Variants in PAN3 observed in about 807,000 individuals in gnomAD.
The protein encoded by PAN3 is poly(A) specific ribonuclease subunit PAN3.
In PAN3, 19 loss-of-function variants were observed where a neutral mutation model predicts 96.2. That is an observed-to-expected ratio of 0.20 (90% CI 0.14 to 0.29). The LOEUF (loss-of-function observed/expected upper bound fraction) is 0.29. PAN3 is among the 10% of genes least tolerant of loss of function. The pLI is 1.00. For missense variants in PAN3, 882 were observed against 1,108.1 expected (o/e 0.80, Z 2.90); for synonymous variants, 433 against 406.6 (o/e 1.06, Z -0.78).
At chr13:28,267,445 T>TG (rs1243658579) in intron 12 of PAN3, 44 bp downstream of exon 12, 1 of 1,480,270 alleles carries the variant, frequency 6.8e-7, no homozygotes, top group East Asian at 2.3e-5. Context: ...CTAATGCTTT[T>TG]GCTCTGTGGA....
chr13:28,280,257 G>A (rs1269468302), intron 15 of PAN3, among the ~76,000 whole-genome samples, 155 bp from the exon 16 acceptor site: 2 of 152,160 alleles, frequency 1.3e-5, no homozygotes, highest in Non-Finnish European at 2.9e-5. Flanking sequence ...GGAATGAAAT[G>A]TAATATTTAA....
intron 16 of PAN3, among the ~76,000 whole-genome samples, 188 bp downstream of exon 16, chr13:28,280,729 T>G (rs1441675943): frequency 6.6e-6 from 1 of 151,904 alleles, no homozygotes; most frequent in African/African-American, 2.4e-5. Flanking sequence ...ACCCCGCTAT[T>G]TTTGTATTGT....
intron 6 of PAN3, among the ~76,000 whole-genome samples, chr13:28,247,365 A>G (rs1478037797): frequency 1.3e-5 from 2 of 152,004 alleles, no homozygotes; most frequent in East Asian, 1.9e-4. Context: ...GTGTGCATAT[A>G]TATTCTCTCT....
At chr13:28,263,782 C>A (rs1885930413) in intron 9 of PAN3, among the ~76,000 whole-genome samples, 1 of 152,168 alleles carries the variant, frequency 6.6e-6, no homozygotes, top group African/African-American at 2.4e-5. Flanking sequence ...TGTATTTTAT[C>A]TACTTTTAAA....
intron 4 of PAN3, among the ~76,000 whole-genome samples, chr13:28,181,652 C>T (rs1346515585): frequency 8.6e-5 from 13 of 152,020 alleles, no homozygotes; most frequent in Admixed American, 8.5e-4. Flanking sequence ...TAGGGCAGTA[C>T]TACTCATAAT....
At chr13:28,279,904 A>G (rs1887327946) in intron 15 of PAN3, among the ~76,000 whole-genome samples, 2 of 151,292 alleles carry the variant, frequency 1.3e-5, no homozygotes, top group African/African-American at 2.4e-5. Context: ...GGTTCAAGCT[A>G]TTCTCCTGCC....
At chr13:28,175,260 CT>C (rs920595351) in intron 2 of PAN3, among the ~76,000 whole-genome samples, 1 of 152,180 alleles carries the variant, frequency 6.6e-6, no homozygotes, top group African/African-American at 2.4e-5. Flanking sequence ...CTCTCTCTCT[CT>C]GGAGACAGGG....
chr13:28,155,588 C>T (rs1236051118), intron 1 of PAN3, among the ~76,000 whole-genome samples: 4 of 150,546 alleles, frequency 2.7e-5, no homozygotes, highest in African/African-American at 7.4e-5. Context: ...GACTCCATCT[C>T]GAAAAAAAAT....
chr13:28,155,319 G>T (rs1871992158), intron 1 of PAN3, among the ~76,000 whole-genome samples: 1 of 152,100 alleles, frequency 6.6e-6, no homozygotes, highest in African/African-American at 2.4e-5. Context: ...TATCAGGCCG[G>T]ACACAGTGGC....
At chr13:28,204,774 TA>T (rs780966329) in intron 5 of PAN3, among the ~76,000 whole-genome samples, 2 of 152,238 alleles carry the variant, frequency 1.3e-5, no homozygotes, top group Non-Finnish European at 2.9e-5. Context: ...TACCTAAAAG[TA>T]GTGATACATT....
At chr13:28,145,819 G>T (rs1870553829) in intron 1 of PAN3, among the ~76,000 whole-genome samples, 1 of 150,228 alleles carries the variant, frequency 6.7e-6, no homozygotes, top group Non-Finnish European at 1.5e-5. Context: ...GAGTGCAGTG[G>T]CGCAATTTTG....
intron 6 of PAN3, among the ~76,000 whole-genome samples, chr13:28,245,394 T>G (rs1248018086): frequency 6.6e-6 from 1 of 151,652 alleles, no homozygotes; most frequent in Non-Finnish European, 1.5e-5. Context: ...TGGGTTCCTT[T>G]TTTTTTTTAC....
chr13:28,210,430 A>C (rs552891378), intron 5 of PAN3, among the ~76,000 whole-genome samples: 1 of 152,302 alleles, frequency 6.6e-6, no homozygotes, highest in Non-Finnish European at 1.5e-5. Flanking sequence ...ATCTTTTGGA[A>C]ATACTAGTAA....
chr13:28,289,888 AAAAG>A (rs1484428695), intron 18 of PAN3, among the ~76,000 whole-genome samples: 2 of 152,248 alleles, frequency 1.3e-5, no homozygotes, highest in Admixed American at 6.5e-5. Context: ...TCTCAAAAAA[AAAAG>A]AAAGAAAAGA....
chr13:28,200,824 G>T (rs1878603604), intron 5 of PAN3, among the ~76,000 whole-genome samples: 1 of 152,164 alleles, frequency 6.6e-6, no homozygotes, highest in South Asian at 2.1e-4. Context: ...AAAGTCCGCA[G>T]TCGGGAACCT....
chr13:28,188,258 T>TC (rs398039410), intron 4 of PAN3, among the ~76,000 whole-genome samples: 1 of 152,014 alleles, frequency 6.6e-6, no homozygotes, highest in Non-Finnish European at 1.5e-5. Context: ...GCATTTTTTT[T>TC]GCAACCTCCT....
At chr13:28,155,458 C>T (rs1190303577) in intron 1 of PAN3, among the ~76,000 whole-genome samples, 1 of 151,952 alleles carries the variant, frequency 6.6e-6, no homozygotes, top group Non-Finnish European at 1.5e-5. Flanking sequence ...GGTGTGGTTG[C>T]ATGTGTCTGT....
intron 1 of PAN3, among the ~76,000 whole-genome samples, chr13:28,144,543 C>T (rs536258337): frequency 6.6e-6 from 1 of 151,566 alleles, no homozygotes; most frequent in Non-Finnish European, 1.5e-5. Context: ...GAGGAAAACT[C>T]GAGGGATAAC....
intron 1 of PAN3, among the ~76,000 whole-genome samples, chr13:28,172,326 G>C (rs1874411588): frequency 6.6e-6 from 1 of 151,974 alleles, no homozygotes; most frequent in South Asian, 2.1e-4. Flanking sequence ...CGTAGTGGTG[G>C]GCGCCTGTAT....
Sources: allele counts gnomAD v4.1 joint callset (sites outside exome capture counted in the v4.1 genomes callset), GRCh38; gene constraint gnomAD v4.1.1; transcripts MANE v1.5; gene names NCBI Gene and HGNC (gene_info 2026-07-23, HGNC 2026-07-21).